Variants in JRK observed in about 807,000 individuals in gnomAD.
JRK encodes the protein jerky protein homolog.
For synonymous variants in JRK, 303 were observed against 218.1 expected, an observed-to-expected ratio of 1.39 and a Z score of -3.43; for missense variants, 720 against 509.2, an observed-to-expected ratio of 1.41 and a Z score of -3.98.
Position 142,661,444 on chromosome 8 carries a change from C to T in JRK, c.*2908G>A. Reference sequence around the variant, plus strand: ...GGCCTGAGCACTCAGGGGTGCCACCCCAAAGATGAAGGCAGTGGTGGAAAG... The same window carrying T: ...GGCCTGAGCACTCAGGGGTGCCACCTCAAAGATGAAGGCAGTGGTGGAAAG... On this transcript the variant is annotated 3_prime_UTR_variant, in exon 2 of 2. Coordinates refer to ENST00000612905, the MANE Select transcript of JRK (RefSeq NM_003724.4). 5 of 985,502 alleles carry T rather than the reference C, an allele frequency of 5.1e-6. No homozygotes were observed. The highest frequency in any genetic ancestry group is 6.0e-6 in the Non-Finnish European group (5 of 830,006). 61.0% of individuals were successfully genotyped at this position (985,502 alleles called of 1,614,324 possible).
At chr8:142,645,295 A>T in the JRK span, among the ~76,000 whole-genome samples, 1 of 152,240 alleles carries the variant, frequency 6.6e-6, no homozygotes, top group Non-Finnish European at 1.5e-5. Context: ...ATTTAATTTT[A>T]AAAAACATTA....
Position 142,665,363 on chromosome 8 carries a change from G to C in JRK, c.696C>G (p.Pro232=), listed in dbSNP as rs953734259. The change falls in exon 2 of 2, where the codon CCC becomes CCG. Residue 232 remains proline (P), a synonymous_variant. Transcript: ENST00000612905. ...ANATGSHRLK[P]LAIGKCSGPR... The stretch of plus-strand genomic sequence containing the variant: ...GACCGCTGCACTTCCCGATGGCCAA[G>C]GGCTTGAGCCTGTGGGAGCCCGTGG... The C allele has an allele frequency of 1.4e-6, 1 of 717,630 alleles. No homozygotes were observed. 44.5% of individuals were successfully genotyped at this position (717,630 alleles called of 1,614,324 possible).
chr8:142,647,367 A>G, the JRK span, among the ~76,000 whole-genome samples: 6 of 152,178 alleles, frequency 3.9e-5, no homozygotes, highest in Non-Finnish European at 7.3e-5. Flanking sequence ...CCAAATTTTG[A>G]TAGGTTTGGC....
In JRK at chr8:142,659,537, T is replaced by G. The variant is rs1846848063; in HGVS notation, c.*4815A>C. 2.0e-6 allele frequency: 2 copies of G among 985,566 alleles called. No homozygotes were observed. Among genetic ancestry groups the G allele is most frequent in the Non-Finnish European group, 1.2e-6 (1 of 830,144 alleles). 61.1% of individuals were successfully genotyped at this position (985,566 alleles called of 1,614,324 possible). A position where few individuals can be genotyped will look rare whatever the true frequency, so the allele number is the denominator to read the frequency against. ...CATGGCCAGTGGGCCTCCCACAATC[T>G]GCCCCTGGGTGCAGGGCCTTGAGCA... On this transcript the variant is annotated 3_prime_UTR_variant, in exon 2 of 2. Coordinates refer to ENST00000612905, the MANE Select transcript of JRK (RefSeq NM_003724.4).
rs1481601185 is a variant in JRK at position 142,659,611 on chromosome 8, C to T, written c.*4741G>A. On this transcript the variant is annotated 3_prime_UTR_variant, in exon 2 of 2. Coordinates refer to ENST00000612905, the MANE Select transcript of JRK (RefSeq NM_003724.4). ...AGACCAGGACCCAGCAGGGGCCATA[C>T]CCAGATTCAGAGGCTCAGGACCACC... 9.1e-6 allele frequency: 9 copies of T among 985,410 alleles called. No individual in the cohort carries two copies. The highest frequency in any genetic ancestry group is 4.7e-5 in the South Asian group (1 of 21,298). The allele number at this position is 985,410 out of a possible 1,614,324, so 61.0% of individuals were successfully genotyped here.
Position 142,664,183 on chromosome 8 carries a change from C to A in JRK, c.*169G>T, listed in dbSNP as rs587607742. ...CCTGTATTGACAGGAACCTCGGGCA[C>A]AGACCGTCCTGGGCACCCGAGCCAC... On this transcript the variant is annotated 3_prime_UTR_variant, in exon 2 of 2. Coordinates refer to ENST00000612905, the MANE Select transcript of JRK (RefSeq NM_003724.4). 7.2e-7 allele frequency: 1 copy of A among 1,381,226 alleles called. No individual in the cohort carries two copies. Among genetic ancestry groups the A allele is most frequent in the South Asian group, 2.0e-5 (1 of 50,326 alleles). The allele number at this position is 1,381,226 out of a possible 1,614,324, so 85.6% of individuals were successfully genotyped here.
At position 142,659,906 on chromosome 8, in the gene JRK, A is replaced by G; in HGVS notation, c.*4446T>C. The stretch of plus-strand genomic sequence containing the variant: ...GAGTGACCCCACCTCATTTCATGTC[A>G]TCATCACTGCCCTGCAAGGGAAACA... On this transcript the variant is annotated 3_prime_UTR_variant, in exon 2 of 2. Coordinates refer to ENST00000612905, the MANE Select transcript of JRK (RefSeq NM_003724.4). 2 of 985,540 alleles carry G rather than the reference A, an allele frequency of 2.0e-6. No homozygotes were observed. The highest frequency in any genetic ancestry group is 2.4e-6 in the Non-Finnish European group (2 of 829,986). 61.0% of individuals were successfully genotyped at this position (985,540 alleles called of 1,614,324 possible).
In JRK at chr8:142,658,444, C is replaced by A; in HGVS notation, c.*5908G>T. 6.3e-6 allele frequency: 1 copy of A among 158,232 alleles called. No homozygotes were observed. The highest frequency in any genetic ancestry group is 1.9e-4 in the South Asian group (1 of 5,382). 9.8% of individuals were successfully genotyped at this position (158,232 alleles called of 1,614,324 possible). The stretch of plus-strand genomic sequence containing the variant: ...TTATCATGCCTAGGCTGGTCTCGAA[C>A]TCCTGGACTCATGCAATCCTAATGC... On this transcript the variant is annotated 3_prime_UTR_variant, in exon 2 of 2. Coordinates refer to ENST00000612905, the MANE Select transcript of JRK (RefSeq NM_003724.4).
At position 142,663,391 on chromosome 8, in the gene JRK, T is replaced by C; in HGVS notation, c.*961A>G. 1.0e-6 allele frequency: 1 copy of C among 985,456 alleles called. No individual in the cohort carries two copies. Among genetic ancestry groups the C allele is most frequent in the Non-Finnish European group, 1.2e-6 (1 of 829,934 alleles). The allele number at this position is 985,456 out of a possible 1,614,324, so 61.0% of individuals were successfully genotyped here. A position where few individuals can be genotyped will look rare whatever the true frequency, so the allele number is the denominator to read the frequency against. On this transcript the variant is annotated 3_prime_UTR_variant, in exon 2 of 2. Transcript: ENST00000612905. ...AAAGTATTACTAACGTGCTAACAGC[T>C]GGGGATAAGAGCACACATACTGCTA...
At chr8:142,656,794 C>T (rs781837000), downstream of JRK, among the ~76,000 whole-genome samples, 1 of 152,174 alleles carries the variant, frequency 6.6e-6, no homozygotes, top group Non-Finnish European at 1.5e-5. Context: ...ACTTTGGGAG[C>T]TGAGCGTTTG....
At position 142,659,248 on chromosome 8, in the gene JRK, C is replaced by T. The variant is rs587668735; in HGVS notation, c.*5104G>A. On this transcript the variant is annotated 3_prime_UTR_variant, in exon 2 of 2. Transcript: ENST00000612905. ...CCAAGACCTCGAGAGAGGAAATGGG[C>T]CCAGGGACATGCCTTGGCTTGGGGT... 1.6e-5 allele frequency: 18 copies of T among 1,099,794 alleles called. No homozygotes were observed. In the East Asian group the frequency reaches 1.1e-3, roughly 69 times the overall value. 68.1% of individuals were successfully genotyped at this position (1,099,794 alleles called of 1,614,324 possible).
chr8:142,644,273 G>T, the JRK span, among the ~76,000 whole-genome samples: 2 of 152,084 alleles, frequency 1.3e-5, no homozygotes, highest in Non-Finnish European at 2.9e-5. Flanking sequence ...TTTTAGGGCA[G>T]CCACAGTCAA....
chr8:142,662,451 G>A lies in JRK; in HGVS notation c.*1901C>T. ...CTATTAGGAGTGACACGTGAGCCCA[G>A]AAATGGCACAAAGTACATGATGTGC... On this transcript the variant is annotated 3_prime_UTR_variant, in exon 2 of 2. Coordinates refer to ENST00000612905, the MANE Select transcript of JRK (RefSeq NM_003724.4). 1.0e-6 allele frequency: 1 copy of A among 957,270 alleles called. No individual in the cohort carries two copies. Among genetic ancestry groups the A allele is most frequent in the Non-Finnish European group, 1.2e-6 (1 of 816,520 alleles). 59.3% of individuals were successfully genotyped at this position (957,270 alleles called of 1,614,324 possible).
Position 142,662,371 on chromosome 8 carries a change from T to C in JRK, c.*1981A>G, listed in dbSNP as rs782705257. On this transcript the variant is annotated 3_prime_UTR_variant, in exon 2 of 2. Transcript: ENST00000612905. ...GTTTCAGAGCCCTCGGGACATGTTC[T>C]AACCTCCTGTGTTGCCTCAAGCAGC... 2.4e-5 allele frequency: 24 copies of C among 985,350 alleles called. No homozygotes were observed. The highest frequency in any genetic ancestry group is 2.9e-5 in the Non-Finnish European group (24 of 829,962). 61.0% of individuals were successfully genotyped at this position (985,350 alleles called of 1,614,324 possible). A position where few individuals can be genotyped will look rare whatever the true frequency, so the allele number is the denominator to read the frequency against.
rs376204588 is a variant in JRK at position 142,664,573 on chromosome 8, C to T, written c.1486G>A (p.Ala496Thr). Residue 496 changes from alanine (A) to threonine (T), a missense_variant, in exon 2 of 2, where the codon GCA (alanine) becomes ACA (threonine). Ala to Thr is a moderately conservative substitution (Grantham distance 58). Transcript: ENST00000612905. ...TGCCGCTCCGCAAAGCGCAGGACTG[C>T]GTCAAAGGCCACGGCCGCCTGCTCC... is the stretch of plus-strand genomic sequence containing the variant. ...AWEQAAVAFD[A>T]VLRFAERQPC... The T allele has an allele frequency of 3.5e-5, 56 of 1,608,380 alleles. No homozygotes were observed. The East Asian group carries it at 9.2e-4, about 26-fold the overall frequency.
chr8:142,666,213 C>T lies in JRK; in HGVS notation c.-155G>A, dbSNP rs906859268. 1 of 1,368,082 alleles carries T rather than the reference C, an allele frequency of 7.3e-7. No homozygotes were observed. Among genetic ancestry groups the T allele is most frequent in the South Asian group, 1.3e-5 (1 of 74,344 alleles). The allele number at this position is 1,368,082 out of a possible 1,614,324, so 84.7% of individuals were successfully genotyped here. On this transcript the variant is annotated 5_prime_UTR_variant, in exon 2 of 2. Transcript: ENST00000612905. ...CTGATCCTGAGCACAGGCCCCAGTC[C>T]CTCTCGGGTTTCTCACTCCACACGC...
chr8:142,655,806 G>C (rs1185374841), downstream of JRK, among the ~76,000 whole-genome samples: 1 of 151,900 alleles, frequency 6.6e-6, no homozygotes, highest in African/African-American at 2.4e-5. Flanking sequence ...TTTTACACTG[G>C]GTATTTTCCA....
At position 142,665,565 on chromosome 8, in the gene JRK, A is replaced by C. The variant is rs1260743318; in HGVS notation, c.494T>G (p.Phe165Cys). The change falls in exon 2 of 2, where the codon TTC becomes TGC. Residue 165 changes from phenylalanine to cysteine, a missense_variant. By Grantham distance (205) the Phe-to-Cys change is radical. Coordinates refer to ENST00000612905, the MANE Select transcript of JRK (RefSeq NM_003724.4). ...AGCCAAGCTCCTGAAAAACGCACAG[A>C]ACTGCTCCGCGGCCTGGTGGTCGGC... Reference protein sequence around the residue: ...QSADHQAAEQFCAFFRSLAAE... With the variant: ...QSADHQAAEQCCAFFRSLAAE... The C allele has an allele frequency of 2.8e-6, 2 of 718,528 alleles. No homozygotes were observed. Among genetic ancestry groups the C allele is most frequent in the Non-Finnish European group, 5.2e-6 (2 of 385,090 alleles). 44.5% of individuals were successfully genotyped at this position (718,528 alleles called of 1,614,324 possible).
chr8:142,664,607 C>T lies in JRK; in HGVS notation c.1452G>A (p.Glu484=), dbSNP rs782626920. 30 of 1,609,782 alleles carry T rather than the reference C, an allele frequency of 1.9e-5. 1 individual carries two copies. The highest frequency in any genetic ancestry group is 2.5e-5 in the Non-Finnish European group (29 of 1,179,050). ...DGRGDPGEGE[E]VAWEQAAVAF... is the part of the protein sequence containing the mutation. ...CCACGGCCGCCTGCTCCCAGGCCAC[C>T]TCCTCGCCCTCACCAGGATCTCCTC... is the stretch of plus-strand genomic sequence containing the variant. Residue 484 remains glutamate (E), a synonymous_variant, in exon 2 of 2, where the codon GAG becomes GAA. Coordinates refer to ENST00000612905, the MANE Select transcript of JRK (RefSeq NM_003724.4).
Sources: allele counts gnomAD v4.1 joint callset (sites outside exome capture counted in the v4.1 genomes callset), GRCh38; gene constraint gnomAD v4.1.1; transcripts MANE v1.5; gene names NCBI Gene and HGNC (gene_info 2026-07-23, HGNC 2026-07-21).